Variants in PDE11A observed in about 807,000 individuals in gnomAD.
PDE11A encodes dual 3',5'-cyclic-AMP and -GMP phosphodiesterase 11A.
Under a neutral mutation model 100.5 loss-of-function variants are expected in PDE11A, and 100 were observed. The observed-to-expected ratio is 1.00, with a 90% confidence interval of 0.85 to 1.18. The LOEUF (loss-of-function observed/expected upper bound fraction) is 1.18, where lower values mean the gene tolerates loss of function less well. Among genes scored for constraint, PDE11A ranks in the 50% most tolerant of loss-of-function variants. The probability of loss-of-function intolerance (pLI) is 0.00; values close to 1 mark genes in which losing one functional copy is unlikely to be tolerated. For missense variants in PDE11A, 1,141 were observed against 1,152.6 expected (o/e 0.99, Z 0.15); for synonymous variants, 381 against 420.8 (o/e 0.91, Z 1.16).
intron 2 of PDE11A, among the ~76,000 whole-genome samples, chr2:177,919,486 T>G (rs1000818247): frequency 1.3e-5 from 2 of 152,206 alleles, no homozygotes; most frequent in Non-Finnish European, 2.9e-5. Context: ...AATTTATATT[T>G]AGAATAAACT....
chr2:177,836,768 C>G (rs374620087), intron 6 of PDE11A, among the ~76,000 whole-genome samples: 139 of 152,200 alleles, frequency 9.1e-4, no homozygotes, highest in African/African-American at 3.3e-3. Context: ...TGAACAACTC[C>G]GGACGGGAGG....
At chr2:178,005,984 A>C (rs2086205485) in intron 2 of PDE11A, among the ~76,000 whole-genome samples, 1 of 152,224 alleles carries the variant, frequency 6.6e-6, no homozygotes, top group African/African-American at 2.4e-5. Flanking sequence ...TACAAATGCC[A>C]GTATATTAGC....
chr2:178,032,626 G>A (rs80178965), intron 1 of PDE11A, among the ~76,000 whole-genome samples: 3,824 of 152,284 alleles, frequency 0.025, 148 homozygotes, highest in African/African-American at 0.086. Context: ...AACAGGGGTC[G>A]TCAGACACCT....
chr2:177,775,818 G>A (rs533815372), intron 9 of PDE11A, among the ~76,000 whole-genome samples: 1 of 152,120 alleles, frequency 6.6e-6, no homozygotes, highest in Non-Finnish European at 1.5e-5. Context: ...ATTATTCTCT[G>A]AGTTAAGTGG....
chr2:177,836,367 G>A (rs1182078948), intron 6 of PDE11A, among the ~76,000 whole-genome samples: 6 of 152,180 alleles, frequency 3.9e-5, no homozygotes, highest in African/African-American at 1.4e-4. Flanking sequence ...AGCACCCTGT[G>A]TCTAGCTCAA....
intron 10 of PDE11A, among the ~76,000 whole-genome samples, chr2:177,743,696 A>G (rs911066926): frequency 6.6e-6 from 1 of 152,232 alleles, no homozygotes; most frequent in Non-Finnish European, 1.5e-5. Context: ...AGGCTTAGAG[A>G]GTTAACTAAC....
intron 1 of PDE11A, among the ~76,000 whole-genome samples, chr2:178,061,869 A>C (rs560471025): frequency 6.6e-6 from 1 of 152,276 alleles, no homozygotes; most frequent in African/African-American, 2.4e-5. Flanking sequence ...TTCAACAGAA[A>C]CCCAAAGTCT....
At chr2:177,903,287 A>G (rs542634524) in intron 3 of PDE11A, among the ~76,000 whole-genome samples, 1 of 152,274 alleles carries the variant, frequency 6.6e-6, no homozygotes, top group African/African-American at 2.4e-5. Flanking sequence ...GTCCTTATAC[A>G]GACCTTTTTG....
chr2:177,698,677 AC>A (rs1483168854), intron 14 of PDE11A: 1 of 151,364 alleles, frequency 6.6e-6, no homozygotes, highest in Non-Finnish European at 1.5e-5. Context: ...CATTGGGTGA[AC>A]CCGCCACTCC....
At chr2:177,698,642 T>C (rs2081153293) in intron 14 of PDE11A, 1 of 152,126 alleles carries the variant, frequency 6.6e-6, no homozygotes, top group Non-Finnish European at 1.5e-5. Context: ...CAGATGATTA[T>C]CTGTTTCCCC....
At chr2:177,964,098 C>T in intron 2 of PDE11A, among the ~76,000 whole-genome samples, 3 of 151,866 alleles carry the variant, frequency 2.0e-5, no homozygotes, top group Admixed American at 2.0e-4. Context: ...ATATAAATAA[C>T]TTGAAAAAGT....
chr2:177,836,475 G>T (rs2083402221), intron 6 of PDE11A, among the ~76,000 whole-genome samples: 1 of 152,188 alleles, frequency 6.6e-6, no homozygotes, highest in Non-Finnish European at 1.5e-5. Flanking sequence ...GCACCAATCA[G>T]CTCCCTGTAA....
Position 178,072,220 on chromosome 2 carries a change from C to T in PDE11A, c.218G>A (p.Gly73Asp), listed in dbSNP as rs748846179. 6 of 1,613,722 alleles carry T rather than the reference C, an allele frequency of 3.7e-6. No homozygotes were observed. The South Asian group carries it at 4.4e-5, about 12-fold the overall frequency. ...HSTCRGGSSV[G>D]GGTGPNGSAH... Reference sequence around the variant, plus strand: ...AGAGCCATTTGGTCCAGTGCCACCACCAACGCTGCTGCCACCTCTGCAGGT... The same window carrying T: ...AGAGCCATTTGGTCCAGTGCCACCATCAACGCTGCTGCCACCTCTGCAGGT... The change falls in exon 1 of 20, where the codon GGT becomes GAT. Residue 73 changes from glycine to aspartate, a missense_variant. Gly to Asp is a moderately conservative substitution (Grantham distance 94, BLOSUM62 -1). Coordinates refer to ENST00000286063, the MANE Select transcript of PDE11A (RefSeq NM_016953.4).
intron 19 of PDE11A, among the ~76,000 whole-genome samples, chr2:177,659,247 G>A (rs2080437538): frequency 8.5e-6 from 1 of 116,960 alleles, no homozygotes; most frequent in Non-Finnish European, 1.7e-5. Flanking sequence ...GGCAACAAGA[G>A]CAAAATTCTA....
At chr2:177,667,373 T>A (rs1043969574) in intron 18 of PDE11A, among the ~76,000 whole-genome samples, 4 of 152,192 alleles carry the variant, frequency 2.6e-5, no homozygotes, top group Admixed American at 2.6e-4. Context: ...AAGAATTTTA[T>A]AGTTTTAGCC....
intron 2 of PDE11A, among the ~76,000 whole-genome samples, chr2:177,981,683 CT>C (rs1559031340): frequency 6.6e-6 from 1 of 150,794 alleles, no homozygotes; most frequent in Non-Finnish European, 1.5e-5. Context: ...TTCAACTTAT[CT>C]TTTGCAGGGG....
At chr2:177,673,804 T>C (rs1234837202) in intron 17 of PDE11A, among the ~76,000 whole-genome samples, 2 of 152,170 alleles carry the variant, frequency 1.3e-5, no homozygotes, top group East Asian at 3.9e-4. Flanking sequence ...AGAAGGATGG[T>C]ACTTCCTGGT....
In PDE11A at chr2:177,880,156, C is replaced by A. The variant is rs541814492; in HGVS notation, c.1303-4233G>T. 2.7e-3 allele frequency among the ~76,000 whole-genome samples: 418 copies of A among 152,252 alleles called. 4 individuals carry two copies. Among genetic ancestry groups the A allele is most frequent in the South Asian group, 0.023 (110 of 4,822 alleles). On this transcript the variant is annotated intron_variant, in intron 4 of 19. Coordinates refer to ENST00000286063, the MANE Select transcript of PDE11A (RefSeq NM_016953.4). ...AACCTTCCCTAAAGAGAGGTCTGGCCTTTGTCCTTGGCTCCTGAGAGATAA... is the reference window on the plus strand; with the variant it reads ...AACCTTCCCTAAAGAGAGGTCTGGCATTTGTCCTTGGCTCCTGAGAGATAA...
At chr2:178,025,536 C>T (rs1220533733) in intron 1 of PDE11A, among the ~76,000 whole-genome samples, 1 of 152,006 alleles carries the variant, frequency 6.6e-6, no homozygotes, top group Non-Finnish European at 1.5e-5. Context: ...TATTATTTCT[C>T]TTTATTACAA....
Sources: gnomAD v4.1 joint callset for allele counts (sites outside exome capture counted in the v4.1 genomes callset) on GRCh38, gnomAD v4.1.1 for gene constraint, MANE v1.5 for transcripts, NCBI Gene and HGNC (gene_info 2026-07-23, HGNC 2026-07-21) for gene names.